FRMD5: variants seen among roughly 807,000 people sequenced by gnomAD.
FRMD5 encodes the protein FERM domain-containing protein 5.
Under a neutral mutation model 69.0 loss-of-function variants are expected in FRMD5, and 20 were observed. That is an observed-to-expected ratio of 0.29 (90% CI 0.20 to 0.42). The LOEUF (loss-of-function observed/expected upper bound fraction) is 0.42. Among genes scored for constraint, FRMD5 ranks in the 10% least tolerant of loss-of-function variants. The pLI is 1.00. For missense variants in FRMD5, 595 were observed against 708.6 expected (o/e 0.84, Z 1.82); for synonymous variants, 271 against 260.1 (o/e 1.04, Z -0.40).
chr15:43,876,789 A>T (rs1249311214), intron 13 of FRMD5, among the ~76,000 whole-genome samples: 6 of 152,132 alleles, frequency 3.9e-5, no homozygotes, highest in Non-Finnish European at 7.4e-5. Flanking sequence ...TTTTCCTCTG[A>T]GAAGGAGCTG....
intron 1 of FRMD5, among the ~76,000 whole-genome samples, chr15:44,052,731 A>C (rs1392733549): frequency 1.3e-5 from 2 of 152,182 alleles, no homozygotes; most frequent in Non-Finnish European, 2.9e-5. Flanking sequence ...CACTCCATTT[A>C]ATACTTATCC....
chr15:43,881,557 A>C (rs667476), intron 13 of FRMD5, among the ~76,000 whole-genome samples: 62,877 of 152,104 alleles, frequency 0.41, 16,171 homozygotes, highest in African/African-American at 0.72. Flanking sequence ...ACAACCTGTT[A>C]CAGAAAGTGC....
intron 1 of FRMD5, among the ~76,000 whole-genome samples, chr15:44,020,877 G>GA (rs1891182160): frequency 6.6e-6 from 1 of 152,064 alleles, no homozygotes; most frequent in South Asian, 2.1e-4. Context: ...CAGAGTTGGC[G>GA]AAAAAATGCA....
At chr15:44,156,210 C>T (rs1228593203) in intron 1 of FRMD5, among the ~76,000 whole-genome samples, 3 of 152,076 alleles carry the variant, frequency 2.0e-5, no homozygotes, top group Non-Finnish European at 4.4e-5. Flanking sequence ...GTGGCATGAT[C>T]TCGGCTCACT....
intron 1 of FRMD5, among the ~76,000 whole-genome samples, chr15:44,177,561 G>A (rs922398737): frequency 2.6e-5 from 4 of 152,144 alleles, no homozygotes; most frequent in African/African-American, 9.7e-5. Context: ...TATGGGAGGG[G>A]AGTCAGAATT....
chr15:44,148,345 C>T (rs1017958543), intron 1 of FRMD5, among the ~76,000 whole-genome samples: 1 of 151,880 alleles, frequency 6.6e-6, no homozygotes, highest in Non-Finnish European at 1.5e-5. Context: ...AATCTAGGCT[C>T]ACTGCAAGCT....
chr15:44,148,323 G>C (rs2077387684), intron 1 of FRMD5, among the ~76,000 whole-genome samples: 2 of 151,816 alleles, frequency 1.3e-5, no homozygotes, highest in African/African-American at 2.4e-5. Context: ...CCAGGTTGGA[G>C]TGCAGGGGCG....
intron 1 of FRMD5, among the ~76,000 whole-genome samples, chr15:44,165,707 T>C (rs915401060): frequency 1.3e-5 from 2 of 151,970 alleles, no homozygotes; most frequent in African/African-American, 4.8e-5. Context: ...GGGTGGCATG[T>C]GCCTGTAGTC....
rs555095876 is a variant in FRMD5 at position 44,146,789 on chromosome 15, G to A, written c.102+48164C>T. Among the ~76,000 whole-genome samples the A allele has an allele frequency of 1.1e-4, 17 of 152,196 alleles. 1 individual carries two copies. The South Asian group carries it at 2.5e-3, about 22-fold the overall frequency. On this transcript the variant is annotated intron_variant, in intron 1 of 13. Transcript: ENST00000417257. ...TCATATGTTTGTTGGGTGCATAAAC[G>A]TCTTCTTTTAAGAAGTATCTGTTCA...
intron 1 of FRMD5, among the ~76,000 whole-genome samples, chr15:44,161,490 A>G: frequency 6.6e-6 from 1 of 152,218 alleles, no homozygotes; most frequent in East Asian, 1.9e-4. Flanking sequence ...TTCACCTGTA[A>G]TATTAATATC....
At chr15:43,928,046 T>C (rs1190084446) in intron 1 of FRMD5, among the ~76,000 whole-genome samples, 1 of 152,190 alleles carries the variant, frequency 6.6e-6, no homozygotes, top group Non-Finnish European at 1.5e-5. Context: ...AAAGGAAGCA[T>C]GGCTTTTCTC....
At chr15:44,097,206 C>A (rs988144455) in intron 1 of FRMD5, among the ~76,000 whole-genome samples, 1 of 152,170 alleles carries the variant, frequency 6.6e-6, no homozygotes, top group African/African-American at 2.4e-5. Flanking sequence ...AAGAATACAT[C>A]TGATGGTTAA....
chr15:43,888,086 C>G, intron 10 of FRMD5, 89 bp downstream of exon 10: 1 of 1,017,670 alleles, frequency 9.8e-7, no homozygotes, highest in Admixed American at 2.0e-5. Flanking sequence ...CTACCCCGCC[C>G]CAAGTTCCTG....
At chr15:44,020,950 AATAG>A (rs1287630286) in intron 1 of FRMD5, among the ~76,000 whole-genome samples, 1 of 152,226 alleles carries the variant, frequency 6.6e-6, no homozygotes, top group Non-Finnish European at 1.5e-5. Context: ...ATCTCAAGAG[AATAG>A]ATAACCATAA....
intron 1 of FRMD5, among the ~76,000 whole-genome samples, chr15:44,147,267 T>G (rs1277595276): frequency 6.6e-6 from 1 of 152,168 alleles, no homozygotes; most frequent in African/African-American, 2.4e-5. Context: ...GTTGCTTGTT[T>G]TTGTCAGGCT....
At chr15:44,028,752 A>G (rs879846099) in intron 1 of FRMD5, among the ~76,000 whole-genome samples, 1 of 152,202 alleles carries the variant, frequency 6.6e-6, no homozygotes, top group Non-Finnish European at 1.5e-5. Context: ...CCTAAATGAC[A>G]GCAGAACAAG....
At chr15:44,052,087 A>C (rs1892693452) in intron 1 of FRMD5, among the ~76,000 whole-genome samples, 1 of 152,130 alleles carries the variant, frequency 6.6e-6, no homozygotes, top group African/African-American at 2.4e-5. Context: ...AGAACAAAGT[A>C]GTTACATATA....
At chr15:44,181,138 C>T (rs776199672) in intron 1 of FRMD5, among the ~76,000 whole-genome samples, 4 of 152,084 alleles carry the variant, frequency 2.6e-5, no homozygotes, top group Non-Finnish European at 4.4e-5. Context: ...CTCTGGGGCT[C>T]GAGCAATTAT....
chr15:44,196,796 C>T (rs2078310061), upstream of FRMD5, among the ~76,000 whole-genome samples: 1 of 147,240 alleles, frequency 6.8e-6, no homozygotes, highest in Non-Finnish European at 1.5e-5. Context: ...CTCCCTCCCC[C>T]TTTTTCTTTC....
Sources: allele counts gnomAD v4.1 joint callset (sites outside exome capture counted in the v4.1 genomes callset), GRCh38; gene constraint gnomAD v4.1.1; transcripts MANE v1.5; gene names NCBI Gene and HGNC (gene_info 2026-07-23, HGNC 2026-07-21).